PLCB1: variants seen among roughly 807,000 people sequenced by gnomAD.
The protein encoded by PLCB1 is phospholipase C beta 1.
PLCB1 carries 46 observed loss-of-function variants against 161.8 expected under a neutral mutation model. The observed-to-expected ratio is 0.28, with a 90% CI of 0.22 to 0.36. The LOEUF (loss-of-function observed/expected upper bound fraction) is 0.36. Ranked by LOEUF, PLCB1 falls within the 10% of genes least tolerant of loss-of-function variation. The pLI is 1.00. For synonymous variants in PLCB1, 517 were observed against 503.7 expected (o/e 1.03, Z -0.35); for missense variants, 1,016 against 1,472.5 (o/e 0.69, Z 5.07).
At chr20:8,433,061 C>T (rs1338928398) in intron 3 of PLCB1, among the ~76,000 whole-genome samples, 1 of 152,174 alleles carries the variant, frequency 6.6e-6, no homozygotes, top group African/African-American at 2.4e-5. Context: ...CAGAGGTTCA[C>T]CAAAGTTCTA....
chr20:8,237,320 A>ATT (rs1180257418), intron 2 of PLCB1, among the ~76,000 whole-genome samples: 22 of 152,062 alleles, frequency 1.4e-4, no homozygotes, highest in African/African-American at 5.1e-4. Flanking sequence ...ATATATAAAT[A>ATT]TGTTCATGCT....
intron 2 of PLCB1, chr20:8,305,927 T>G (rs757864444): frequency 2.0e-5 from 3 of 152,316 alleles, no homozygotes; most frequent in Middle Eastern, 3.4e-3. Flanking sequence ...ACTTGTGGGC[T>G]GCTAAGGTAA....
intron 2 of PLCB1, among the ~76,000 whole-genome samples, chr20:8,332,776 G>A (rs543378993): frequency 2.6e-5 from 4 of 152,328 alleles, no homozygotes; most frequent in African/African-American, 9.6e-5. Context: ...GAGTTATGGA[G>A]TCTAGCCCTA....
At chr20:8,349,613 A>G (rs77813298) in intron 2 of PLCB1, among the ~76,000 whole-genome samples, 4,323 of 152,288 alleles carry the variant, frequency 0.028, 194 homozygotes, top group African/African-American at 0.097. Flanking sequence ...AAGCAAAAAC[A>G]TTTTGTTTTG....
At chr20:8,195,817 T>A (rs2052017737) in intron 2 of PLCB1, among the ~76,000 whole-genome samples, 3 of 152,134 alleles carry the variant, frequency 2.0e-5, no homozygotes, top group Admixed American at 2.0e-4. Context: ...ATTTGTATGA[T>A]GTTTTCTCAT....
intron 7 of PLCB1, among the ~76,000 whole-genome samples, chr20:8,655,349 A>G (rs994218647): frequency 1.3e-5 from 2 of 152,166 alleles, no homozygotes; most frequent in African/African-American, 4.8e-5. Context: ...TACCTACTGT[A>G]TGTGGCACAC....
chr20:8,850,125 G>A (rs1986838738), intron 31 of PLCB1, among the ~76,000 whole-genome samples: 1 of 152,206 alleles, frequency 6.6e-6, no homozygotes, highest in Non-Finnish European at 1.5e-5. Context: ...TTTCAATTTA[G>A]AGCTGTGTGA....
intron 31 of PLCB1, chr20:8,792,569 G>A (rs760761494): frequency 1.3e-4 from 60 of 471,096 alleles, no homozygotes; most frequent in South Asian, 6.7e-4. Context: ...TATTGTCTGC[G>A]TTTTTTATTG....
chr20:8,342,424 C>A (rs931707185), intron 2 of PLCB1, among the ~76,000 whole-genome samples: 6 of 152,120 alleles, frequency 3.9e-5, no homozygotes, highest in African/African-American at 1.2e-4. Context: ...TTTGACTTTC[C>A]ACTTAATCAT....
chr20:8,843,461 G>C (rs1358336743), intron 31 of PLCB1, among the ~76,000 whole-genome samples: 1 of 152,140 alleles, frequency 6.6e-6, no homozygotes, highest in Non-Finnish European at 1.5e-5. Context: ...TATTAGGCCA[G>C]TAATTTGATG....
At chr20:8,409,475 A>G (rs1978944130) in intron 3 of PLCB1, among the ~76,000 whole-genome samples, 1 of 150,644 alleles carries the variant, frequency 6.6e-6, no homozygotes, top group Admixed American at 6.6e-5. Context: ...GTTATTATTA[A>G]TTTTGAGATG....
intron 3 of PLCB1, among the ~76,000 whole-genome samples, chr20:8,539,616 T>TTTTTTCTTTCTTTC (rs879723833): frequency 1.0e-5 from 1 of 97,236 alleles, no homozygotes; most frequent in Non-Finnish European, 2.2e-5. Context: ...CTTTTCTTTA[T>TTTTTTCTTTCTTTC]TTTCTTTCTT....
intron 14 of PLCB1, among the ~76,000 whole-genome samples, chr20:8,718,495 G>A (rs546805243): frequency 2.0e-5 from 3 of 152,246 alleles, no homozygotes; most frequent in Middle Eastern, 3.4e-3. Context: ...ACCCACATTC[G>A]TTGGCTTGGG....
intron 2 of PLCB1, among the ~76,000 whole-genome samples, chr20:8,224,251 C>G (rs1489262655): frequency 1.3e-5 from 2 of 152,090 alleles, no homozygotes; most frequent in East Asian, 1.9e-4. Context: ...TCTTAGCCAC[C>G]ATTTCTTTTT....
chr20:8,831,900 CTCTCTTTCTTTCTCTTTCTT>C (rs5840293), intron 31 of PLCB1, among the ~76,000 whole-genome samples: 3 of 129,240 alleles, frequency 2.3e-5, no homozygotes, highest in Non-Finnish European at 5.0e-5. Flanking sequence ...TTCTTTCTCC[CTCTCTTTCTTTCTCTTTCTT>C]TCTTTCTTTC....
rs1202925460 is a variant in PLCB1 at position 8,276,974 on chromosome 20, C to CTTA, written c.178-94406_178-94405insATT. Among the ~76,000 whole-genome samples, 494 of 100,860 alleles carry CTTA rather than the reference C, an allele frequency of 4.9e-3. 5 individuals carry two copies. Among genetic ancestry groups the CTTA allele is most frequent in the Middle Eastern group, 9.6e-3 (2 of 208 alleles). 66.2% of individuals were successfully genotyped at this position (100,860 alleles called of 152,430 possible). ...TCTTCTTCTTCTTCTTCTTCTTCTT[C>CTTA]TTCTTCTTCTTCTTATTATTATTAT... is the stretch of plus-strand genomic sequence containing the variant. On this transcript the variant is annotated intron_variant, in intron 2 of 31. Coordinates refer to ENST00000338037, the MANE Select transcript of PLCB1 (RefSeq NM_015192.4).
chr20:8,335,046 A>G (rs1985521526), intron 2 of PLCB1, among the ~76,000 whole-genome samples: 1 of 152,230 alleles, frequency 6.6e-6, no homozygotes, highest in Non-Finnish European at 1.5e-5. Flanking sequence ...AGCTCTATTC[A>G]TCAATACTTG....
chr20:8,804,603 A>T (rs2146243400), intron 31 of PLCB1, among the ~76,000 whole-genome samples: 1 of 152,342 alleles, frequency 6.6e-6, no homozygotes, highest in East Asian at 1.9e-4. Context: ...TACTAATTTT[A>T]ATATTTCCCC....
intron 2 of PLCB1, among the ~76,000 whole-genome samples, chr20:8,240,308 A>ACACG (rs1555792318): frequency 1.1e-4 from 15 of 140,518 alleles, no homozygotes; most frequent in African/African-American, 4.1e-4. Flanking sequence ...ACACACACGC[A>ACACG]CACACACACA....
Sources: allele counts gnomAD v4.1 joint callset (sites outside exome capture counted in the v4.1 genomes callset), GRCh38; gene constraint gnomAD v4.1.1; transcripts MANE v1.5; gene names NCBI Gene and HGNC (gene_info 2026-07-23, HGNC 2026-07-21).